PAPOLA: variants seen among roughly 807,000 people sequenced by gnomAD.
PAPOLA encodes the protein poly(A) polymerase alpha.
Under a neutral mutation model 100.6 loss-of-function variants are expected in PAPOLA, and 15 were observed. The ratio of observed to expected loss-of-function variants is 0.15; its 90% confidence interval spans 0.10 to 0.23. PAPOLA has a LOEUF of 0.23. Ranked by LOEUF, PAPOLA falls within the 10% of genes least tolerant of loss-of-function variation. The pLI, the probability that PAPOLA is intolerant of heterozygous loss-of-function variation, is 1.00. For synonymous variants in PAPOLA, 293 were observed against 300.0 expected, an observed-to-expected ratio of 0.98 and a Z score of 0.24; for missense variants, 533 against 884.2, an observed-to-expected ratio of 0.60 and a Z score of 5.04.
At chr14:96,518,972 G>A (rs1414678612) in intron 1 of PAPOLA, among the ~76,000 whole-genome samples, 1 of 152,040 alleles carries the variant, frequency 6.6e-6, no homozygotes, top group Non-Finnish European at 1.5e-5. Flanking sequence ...CAGGAGAATC[G>A]GTGGAACCTG....
chr14:96,503,640 TTAG>T lies in PAPOLA; in HGVS notation c.8+1044_8+1046del, dbSNP rs755969820. On this transcript the variant is annotated intron_variant, in intron 1 of 21. Coordinates refer to ENST00000216277, the MANE Select transcript of PAPOLA (RefSeq NM_032632.5). ...GACCAGGGACCGAGTTTTCTTCATC[TTAG>T]TAGCCTCAAAACGCAACATGTAATT... Among the ~76,000 whole-genome samples, 10 of 152,332 alleles carry T rather than the reference TTAG, an allele frequency of 6.6e-5. No homozygotes were observed. In the South Asian group the frequency reaches 1.2e-3, roughly 19 times the overall value.
intron 19 of PAPOLA, among the ~76,000 whole-genome samples, chr14:96,560,165 T>C (rs1901718769): frequency 6.6e-6 from 1 of 152,154 alleles, no homozygotes; most frequent in South Asian, 2.1e-4. Flanking sequence ...TCTTGTATTC[T>C]GTAGGATGTT....
chr14:96,507,565 G>A (rs1281175296), intron 1 of PAPOLA, among the ~76,000 whole-genome samples: 2 of 152,124 alleles, frequency 1.3e-5, no homozygotes, highest in Admixed American at 6.5e-5. Flanking sequence ...GTGAGCCACC[G>A]CGCCTGGCCG....
At position 96,528,798 on chromosome 14, in the gene PAPOLA, C is replaced by T. The variant is rs578216047; in HGVS notation, c.495+792C>T. Among the ~76,000 whole-genome samples, 25 of 152,054 alleles carry T rather than the reference C, an allele frequency of 1.6e-4. 1 individual carries two copies. The Middle Eastern group carries it at 0.017, about 104-fold the overall frequency. ...CTGCATCTAAGGTTGCTGCATAAGA[C>T]GCTCAACTCTGTATTTTATGAAAAG... On this transcript the variant is annotated intron_variant, in intron 6 of 21. Transcript: ENST00000216277.
intron 1 of PAPOLA, among the ~76,000 whole-genome samples, chr14:96,515,672 G>C (rs907570788): frequency 5.3e-5 from 8 of 152,166 alleles, no homozygotes; most frequent in Non-Finnish European, 1.2e-4. Context: ...TTGGTGAGAC[G>C]AAAATGGACC....
In PAPOLA at chr14:96,565,811, ATCTGTTGTCT is replaced by A; in HGVS notation, c.*764_*773del. On this transcript the variant is annotated 3_prime_UTR_variant, in exon 22 of 22. Transcript: ENST00000216277. ...AAAGCTCTGTGTTCTTTTGCCTTCA[ATCTGTTGTCT>A]TCAAAACAAACAAACAAAAAAAGCT... 5 of 398,224 alleles carry A rather than the reference ATCTGTTGTCT, an allele frequency of 1.3e-5. No homozygotes were observed. The highest frequency in any genetic ancestry group is 2.2e-5 in the Non-Finnish European group (5 of 225,746). The allele number at this position is 398,224 out of a possible 1,614,324, so 24.7% of individuals were successfully genotyped here.
At chr14:96,527,715 C>T (rs935738823) in intron 5 of PAPOLA, 176 bp downstream of exon 5, 31 of 609,770 alleles carry the variant, frequency 5.1e-5, no homozygotes, top group Non-Finnish European at 7.9e-5. Context: ...ATTATAAACT[C>T]ATTTACAGAT....
In PAPOLA at chr14:96,532,102, G is replaced by C. The variant is rs1899067764; in HGVS notation, c.608-229G>C. ...GGTTACAGTTTACTTTGGTTTCTTT[G>C]GTCAGTGCTTACAATAGGAGATAAA... On this transcript the variant is annotated intron_variant, in intron 7 of 21. Coordinates refer to ENST00000216277, the MANE Select transcript of PAPOLA (RefSeq NM_032632.5). 17 of 1,316,258 alleles carry C rather than the reference G, an allele frequency of 1.3e-5. 1 individual carries two copies. In the South Asian group the frequency reaches 3.4e-4, roughly 26 times the overall value. The allele number at this position is 1,316,258 out of a possible 1,614,324, so 81.5% of individuals were successfully genotyped here. A position where few individuals can be genotyped will look rare whatever the true frequency, so the allele number is the denominator to read the frequency against.
chr14:96,525,408 T>C lies in PAPOLA; in HGVS notation c.331+17T>C. The C allele has an allele frequency of 9.1e-7, 1 of 1,104,572 alleles. No individual in the cohort carries two copies. Among genetic ancestry groups the C allele is most frequent in the Non-Finnish European group, 1.3e-6 (1 of 751,124 alleles). 68.4% of individuals were successfully genotyped at this position (1,104,572 alleles called of 1,614,324 possible). A position where few individuals can be genotyped will look rare whatever the true frequency, so the allele number is the denominator to read the frequency against. ...ATACAAAAGGTAAGTATTATTTCAT[T>C]TTTCTTAGAAAGGGACCCTTTAGTT... On this transcript the variant is annotated intron_variant, in intron 4 of 21. Transcript: ENST00000216277.
intron 6 of PAPOLA, 47 bp downstream of exon 6, chr14:96,528,053 A>G: frequency 1.6e-6 from 2 of 1,219,634 alleles, no homozygotes; most frequent in Non-Finnish European, 1.2e-6. Context: ...GCTGTCACTA[A>G]TTTTGATTGA....
At position 96,532,451 on chromosome 14, in the gene PAPOLA, A is replaced by G. The variant is rs760125944; in HGVS notation, c.697+31A>G. The stretch of plus-strand genomic sequence containing the variant: ...TTCAGAATTTGTTGGCTAGCTTATT[A>G]AAAATGTTCAAACTTTTGTTCAACA... On this transcript the variant is annotated intron_variant, in intron 8 of 21. Coordinates refer to ENST00000216277, the MANE Select transcript of PAPOLA (RefSeq NM_032632.5). The G allele has an allele frequency of 6.2e-6, 10 of 1,605,648 alleles. No homozygotes were observed. In the African/African-American group the frequency reaches 1.3e-4, roughly 22 times the overall value.
intron 1 of PAPOLA, among the ~76,000 whole-genome samples, chr14:96,512,394 C>CT (rs1897163010): frequency 6.6e-6 from 1 of 152,074 alleles, no homozygotes; most frequent in East Asian, 1.9e-4. Flanking sequence ...AAATATATAT[C>CT]TTTATCTATA....
intron 21 of PAPOLA, among the ~76,000 whole-genome samples, chr14:96,564,322 T>C (rs191513951): frequency 4.2e-4 from 64 of 152,228 alleles, no homozygotes; most frequent in African/African-American, 1.3e-3. Context: ...TACATGGGGA[T>C]GCATTATACA....
intron 3 of PAPOLA, 109 bp from the exon 4 acceptor site, chr14:96,525,201 A>T: frequency 1.5e-6 from 1 of 647,996 alleles, no homozygotes; most frequent in Non-Finnish European, 2.8e-6. Flanking sequence ...CCTTTATATA[A>T]ATTTACACTG....
intron 9 of PAPOLA, chr14:96,534,195 ACAT>A: frequency 9.4e-6 from 11 of 1,172,550 alleles, no homozygotes; most frequent in East Asian, 4.4e-5. Flanking sequence ...TGAAGTGGAC[ACAT>A]CATTATCTTG....
intron 11 of PAPOLA, 147 bp from the exon 12 acceptor site, chr14:96,536,829 G>T: frequency 1.7e-6 from 1 of 576,002 alleles, no homozygotes; most frequent in Non-Finnish European, 3.1e-6. Flanking sequence ...ATATATAAGA[G>T]TATGCTCTAA....
chr14:96,532,885 C>T (rs781002343), intron 9 of PAPOLA: 75 of 1,209,264 alleles, frequency 6.2e-5, no homozygotes, highest in Non-Finnish European at 7.5e-5. Context: ...TAAACTTACC[C>T]TCTGAATAAA....
chr14:96,511,331 T>G (rs1305644863), intron 1 of PAPOLA, among the ~76,000 whole-genome samples: 2 of 151,988 alleles, frequency 1.3e-5, no homozygotes, highest in African/African-American at 4.8e-5. Context: ...GAGGTCAAGG[T>G]GGGAGGATTG....
intron 4 of PAPOLA, chr14:96,526,170 A>G (rs973857297): frequency 6.6e-6 from 1 of 152,232 alleles, no homozygotes; most frequent in Non-Finnish European, 1.5e-5. Context: ...AAGAACATTT[A>G]TTGAGCTTCT....
Sources: allele counts gnomAD v4.1 joint callset (sites outside exome capture counted in the v4.1 genomes callset), GRCh38; gene constraint gnomAD v4.1.1; transcripts MANE v1.5; gene names NCBI Gene and HGNC (gene_info 2026-07-23, HGNC 2026-07-21).